Variants in ADARB2 observed in about 807,000 individuals in gnomAD.
The protein encoded by ADARB2 is inactive double-stranded RNA-specific editase B2.
In ADARB2, 25 loss-of-function variants were observed where a neutral mutation model predicts 62.2. That is an observed-to-expected ratio of 0.40 (90% CI 0.29 to 0.56). The LOEUF (loss-of-function observed/expected upper bound fraction) is 0.56, where lower values mean the gene tolerates loss of function less well. Among genes scored for constraint, ADARB2 ranks in the 20% least tolerant of loss-of-function variants. The pLI, the probability that ADARB2 is intolerant of heterozygous loss-of-function variation, is 0.43. For synonymous variants in ADARB2, 572 were observed against 500.8 expected (o/e 1.14, Z -1.90); for missense variants, 1,071 against 1,077.4 (o/e 0.99, Z 0.08).
intron 1 of ADARB2, among the ~76,000 whole-genome samples, chr10:1,388,581 A>G (rs557959889): frequency 9.6e-4 from 146 of 152,322 alleles, no homozygotes; most frequent in Middle Eastern, 6.8e-3. Flanking sequence ...CAGTAATGAA[A>G]AAGTGGAAAA....
At chr10:1,354,925 C>G (rs539071852) in intron 3 of ADARB2, among the ~76,000 whole-genome samples, 19 of 152,352 alleles carry the variant, frequency 1.2e-4, no homozygotes, top group African/African-American at 4.6e-4. Flanking sequence ...CCTCTAGCCT[C>G]TGAGCTCCAT....
intron 2 of ADARB2, among the ~76,000 whole-genome samples, chr10:1,374,995 T>C (rs1832409879): frequency 6.6e-6 from 1 of 151,994 alleles, no homozygotes; most frequent in Non-Finnish European, 1.5e-5. Context: ...CAGTGGCTCC[T>C]GGCATTTGTG....
At chr10:1,698,842 T>G (rs115447622) in intron 1 of ADARB2, among the ~76,000 whole-genome samples, 2,281 of 152,332 alleles carry the variant, frequency 0.015, 52 homozygotes, top group African/African-American at 0.052. Context: ...TCACTGCAAC[T>G]TCTGCCTCCC....
chr10:1,680,158 C>A (rs1185635091), intron 1 of ADARB2, among the ~76,000 whole-genome samples: 1 of 151,972 alleles, frequency 6.6e-6, no homozygotes, highest in Non-Finnish European at 1.5e-5. Context: ...ACCCGCCACT[C>A]ATACAAACTG....
At chr10:1,205,867 C>T (rs1837050719) in intron 7 of ADARB2, among the ~76,000 whole-genome samples, 1 of 152,020 alleles carries the variant, frequency 6.6e-6, no homozygotes, top group Admixed American at 6.6e-5. Flanking sequence ...CATGGGGCAG[C>T]CCGCTGCGGC....
At chr10:1,417,917 T>C (rs1832818748) in intron 1 of ADARB2, among the ~76,000 whole-genome samples, 2 of 152,134 alleles carry the variant, frequency 1.3e-5, no homozygotes, top group South Asian at 4.1e-4. Flanking sequence ...CCAGGGTGCA[T>C]GGGGAAAATG....
At chr10:1,259,544 T>C (rs1831113800) in intron 4 of ADARB2, among the ~76,000 whole-genome samples, 1 of 152,050 alleles carries the variant, frequency 6.6e-6, no homozygotes, top group East Asian at 1.9e-4. Flanking sequence ...AACTAGAAAA[T>C]CTAGAAGAAA....
At chr10:1,294,256 A>C (rs1013647315) in intron 3 of ADARB2, among the ~76,000 whole-genome samples, 2 of 152,164 alleles carry the variant, frequency 1.3e-5, no homozygotes, top group African/African-American at 2.4e-5. Context: ...CTGTTGGAGA[A>C]ATTCCATTTC....
At chr10:1,183,904 G>A (rs992676119) in intron 9 of ADARB2, among the ~76,000 whole-genome samples, 2 of 152,320 alleles carry the variant, frequency 1.3e-5, no homozygotes, top group South Asian at 2.1e-4. Flanking sequence ...ATCCCACAGC[G>A]GGTCTTCCAG....
At chr10:1,284,884 C>T (rs1831399292) in intron 3 of ADARB2, among the ~76,000 whole-genome samples, 1 of 152,118 alleles carries the variant, frequency 6.6e-6, no homozygotes, top group Non-Finnish European at 1.5e-5. Context: ...CCCTCATGGT[C>T]TGGCCCACCT....
rs537525007 is a variant in ADARB2 at position 1,388,940 on chromosome 10, G to A, written c.101-9780C>T. 5.7e-4 allele frequency among the ~76,000 whole-genome samples: 87 copies of A among 152,284 alleles called. No individual in the cohort carries two copies. In the South Asian group the frequency reaches 6.2e-3, roughly 11 times the overall value. ...AGAACAAATACAATGTAGTAATGGC[G>A]TAAGGCTAGATAAATACCAGTGGAA... On this transcript the variant is annotated intron_variant, in intron 1 of 9. Transcript: ENST00000381312.
chr10:1,435,186 G>A (rs906875613), intron 1 of ADARB2, among the ~76,000 whole-genome samples: 1 of 152,192 alleles, frequency 6.6e-6, no homozygotes, highest in African/African-American at 2.4e-5. Flanking sequence ...CCCAGGTTAC[G>A]GGGAAGGTGG....
Position 1,556,781 on chromosome 10 carries a change from C to T in ADARB2, c.101-177621G>A, listed in dbSNP as rs1346856192. 5.6e-6 allele frequency: 3 copies of T among 534,502 alleles called. No homozygotes were observed. The Admixed American group carries it at 5.8e-5, about 10-fold the overall frequency. The allele number at this position is 534,502 out of a possible 1,614,324, so 33.1% of individuals were successfully genotyped here. ...CCCAGGAAGACCCCAGATCTTCCTGCCCCTGACCACAGCTCTGTCCCTGGA... is the reference window on the plus strand; with the variant it reads ...CCCAGGAAGACCCCAGATCTTCCTGTCCCTGACCACAGCTCTGTCCCTGGA... On this transcript the variant is annotated intron_variant, in intron 1 of 9. Coordinates refer to ENST00000381312, the MANE Select transcript of ADARB2 (RefSeq NM_018702.4).
chr10:1,568,208 G>A (rs940343336), intron 1 of ADARB2, among the ~76,000 whole-genome samples: 1 of 152,206 alleles, frequency 6.6e-6, no homozygotes, highest in East Asian at 1.9e-4. Context: ...ACAGAGGCTT[G>A]GCCAGGCCTC....
chr10:1,686,307 G>A (rs1156758893), intron 1 of ADARB2, among the ~76,000 whole-genome samples: 2 of 152,196 alleles, frequency 1.3e-5, no homozygotes, highest in Admixed American at 6.5e-5. Flanking sequence ...TGAATGGCTC[G>A]GTCATAAACT....
chr10:1,542,863 T>C (rs368520858), intron 1 of ADARB2, among the ~76,000 whole-genome samples: 22 of 63,264 alleles, frequency 3.5e-4, no homozygotes, highest in African/African-American at 8.3e-4. Context: ...CCCACTCAGA[T>C]GTAGTTCAGA....
At chr10:1,285,137 A>G (rs569161218) in intron 3 of ADARB2, among the ~76,000 whole-genome samples, 1 of 139,594 alleles carries the variant, frequency 7.2e-6, no homozygotes, top group East Asian at 2.3e-4. Context: ...ATTCTTTTTT[A>G]TATATGAAAA....
chr10:1,555,527 G>C (rs542591583), intron 1 of ADARB2, among the ~76,000 whole-genome samples: 1 of 152,300 alleles, frequency 6.6e-6, no homozygotes. Context: ...TGACTGCAGG[G>C]ACCGTGAGTG....
intron 1 of ADARB2, among the ~76,000 whole-genome samples, chr10:1,569,720 T>A (rs1832910148): frequency 6.6e-6 from 1 of 152,350 alleles, no homozygotes; most frequent in South Asian, 2.1e-4. Flanking sequence ...TATTTTGCCT[T>A]CATACTCTAG....
Sources: allele counts gnomAD v4.1 joint callset (sites outside exome capture counted in the v4.1 genomes callset), GRCh38; gene constraint gnomAD v4.1.1; transcripts MANE v1.5; gene names NCBI Gene and HGNC (gene_info 2026-07-23, HGNC 2026-07-21).